PDE1C: variants seen among roughly 807,000 people sequenced by gnomAD.
PDE1C encodes dual specificity calcium/calmodulin-dependent 3',5'-cyclic nucleotide phosphodiesterase 1C.
A neutral mutation model predicts 93.1 loss-of-function variants in PDE1C; 62 were observed. The observed-to-expected ratio is 0.67, with a 90% CI of 0.54 to 0.82. The LOEUF (loss-of-function observed/expected upper bound fraction) is 0.82, where lower values mean the gene tolerates loss of function less well. PDE1C is among the 40% of genes least tolerant of loss of function. The pLI is 0.00. For missense variants in PDE1C, 742 were observed against 884.6 expected, an observed-to-expected ratio of 0.84 and a Z score of 2.04; for synonymous variants, 325 against 310.1, an observed-to-expected ratio of 1.05 and a Z score of -0.50.
At chr7:31,985,124 T>G (rs1452970125) in intron 2 of PDE1C, among the ~76,000 whole-genome samples, 1 of 152,090 alleles carries the variant, frequency 6.6e-6, no homozygotes, top group East Asian at 1.9e-4. Context: ...GTGCATACCA[T>G]GAAAGGTTTA....
At chr7:31,806,574 G>A (rs1185453837) in intron 16 of PDE1C, among the ~76,000 whole-genome samples, 1 of 151,930 alleles carries the variant, frequency 6.6e-6, no homozygotes, top group African/African-American at 2.4e-5. Flanking sequence ...CAGAGATAAT[G>A]TACAGCTGCA....
chr7:32,195,151 A>T (rs1469710600), intron 2 of PDE1C, among the ~76,000 whole-genome samples: 1 of 152,200 alleles, frequency 6.6e-6, no homozygotes. Context: ...CAACCATCAA[A>T]CATAACTTAG....
intron 1 of PDE1C, among the ~76,000 whole-genome samples, chr7:32,217,333 A>C (rs1046792113): frequency 1.3e-5 from 2 of 152,202 alleles, no homozygotes; most frequent in African/African-American, 4.8e-5. Flanking sequence ...ACCAAGGCAA[A>C]GCAGTAGAGT....
chr7:31,913,082 TCACCA>T (rs1801449431), intron 2 of PDE1C, among the ~76,000 whole-genome samples: 1 of 152,180 alleles, frequency 6.6e-6, no homozygotes, highest in Non-Finnish European at 1.5e-5. Flanking sequence ...CTCTGTTGAT[TCACCA>T]TATCAGTCTG....
chr7:31,843,526 C>A (rs2191877), intron 9 of PDE1C, among the ~76,000 whole-genome samples: 125,669 of 151,764 alleles, frequency 0.83, 52,147 homozygotes, highest in East Asian at 0.96. Context: ...CTTATTCTTA[C>A]TGTTTGGTAC....
Position 32,051,603 on chromosome 7 carries a change from A to T in PDE1C, c.102-23T>A, listed in dbSNP as rs2072182. On this transcript the variant is annotated intron_variant, in intron 1 of 17. Transcript: ENST00000396191. ...CTCCTGTAAGAAAAGGCATAAACAT[A>T]TATCAGAAAAGGGTTGTGGCAGGCA... 0.037 allele frequency: 60,260 copies of T among 1,610,684 alleles called. 1,378 individuals carry two copies. The highest frequency in any genetic ancestry group is 0.086 in the East Asian group (3,841 of 44,828).
intron 1 of PDE1C, among the ~76,000 whole-genome samples, chr7:32,231,239 G>T (rs2128862243): frequency 6.6e-6 from 1 of 152,142 alleles, no homozygotes; most frequent in South Asian, 2.1e-4. Flanking sequence ...CTGGTTCAAA[G>T]GATTTGCAAT....
At chr7:31,709,602 G>A in the PDE1C span, among the ~76,000 whole-genome samples, 3 of 152,094 alleles carry the variant, frequency 2.0e-5, no homozygotes, top group East Asian at 3.9e-4. Flanking sequence ...CTGAAAGACC[G>A]GACTTTGTAA....
intron 1 of PDE1C, among the ~76,000 whole-genome samples, chr7:32,408,634 C>A (rs1785105920): frequency 1.3e-5 from 2 of 151,948 alleles, no homozygotes; most frequent in South Asian, 2.1e-4. Flanking sequence ...ACTAAAAATA[C>A]AAAAATTAGC....
intron 13 of PDE1C, among the ~76,000 whole-genome samples, chr7:31,824,216 TAAAG>T (rs1789367383): frequency 6.6e-6 from 1 of 152,164 alleles, no homozygotes; most frequent in Admixed American, 6.6e-5. Flanking sequence ...GTATATCTAA[TAAAG>T]ACTTTATGGT....
rs977454327 is a variant in PDE1C at position 32,004,763 on chromosome 7, T to C, written c.128+46791A>G. Among the ~76,000 whole-genome samples the C allele has an allele frequency of 3.9e-5, 6 of 152,366 alleles. No individual in the cohort carries two copies. In the East Asian group the frequency reaches 1.2e-3, roughly 29 times the overall value. On this transcript the variant is annotated intron_variant, in intron 2 of 17. Coordinates refer to ENST00000396191, the MANE Select transcript of PDE1C (RefSeq NM_001191057.4). ...CTTTGTTAATAAATTGTGCTTTTAT[T>C]TCTTATAATAATTTAAGATGGATTT...
At chr7:31,825,632 G>A (rs1789556142) in intron 12 of PDE1C, among the ~76,000 whole-genome samples, 1 of 152,250 alleles carries the variant, frequency 6.6e-6, no homozygotes, top group South Asian at 2.1e-4. Flanking sequence ...AGATAAGAAG[G>A]AAGAAAGCAG....
chr7:31,946,579 G>A (rs565803155), intron 2 of PDE1C, among the ~76,000 whole-genome samples: 5 of 152,290 alleles, frequency 3.3e-5, no homozygotes, highest in South Asian at 4.1e-4. Context: ...CAAAGGAAAT[G>A]CTAAACCATC....
Position 32,155,715 on chromosome 7 carries a change from C to G in PDE1C, c.308+14070G>C, listed in dbSNP as rs1801527670. On this transcript the variant is annotated intron_variant, in intron 3 of 18. Coordinates refer to the PDE1C transcript ENST00000396193. ...TCACCGCATGCATGCCTCCTGGACTCCTCACAGGTAGCCCCTGAGGGAAAG... is the reference window on the plus strand; with the variant it reads ...TCACCGCATGCATGCCTCCTGGACTGCTCACAGGTAGCCCCTGAGGGAAAG... Among the ~76,000 whole-genome samples the G allele has an allele frequency of 1.3e-5, 2 of 152,208 alleles. 1 individual carries two copies. The highest frequency in any genetic ancestry group is 1.3e-4 in the Admixed American group (2 of 15,286).
At chr7:31,848,885 A>C (rs560657599) in intron 8 of PDE1C, among the ~76,000 whole-genome samples, 15 of 152,270 alleles carry the variant, frequency 9.9e-5, no homozygotes, top group African/African-American at 2.6e-4. Context: ...CATTGGCCAA[A>C]CTTTGGGCTG....
At chr7:32,401,268 G>C (rs542144816) in intron 1 of PDE1C, among the ~76,000 whole-genome samples, 1 of 152,328 alleles carries the variant, frequency 6.6e-6, no homozygotes, top group African/African-American at 2.4e-5. Context: ...GCCGGGTACA[G>C]TGGCTTACAC....
At chr7:31,882,853 G>C (rs923802029) in intron 2 of PDE1C, among the ~76,000 whole-genome samples, 4 of 152,044 alleles carry the variant, frequency 2.6e-5, no homozygotes, top group Non-Finnish European at 5.9e-5. Context: ...ACTTCCCTAG[G>C]AAATAAACAA....
chr7:32,422,432 C>T (rs1276671666), intron 1 of PDE1C, among the ~76,000 whole-genome samples: 1 of 152,112 alleles, frequency 6.6e-6, no homozygotes, highest in Non-Finnish European at 1.5e-5. Flanking sequence ...GAGCCAGTCA[C>T]ACAGGTAGTG....
chr7:32,123,700 A>G (rs1032568139), intron 3 of PDE1C, among the ~76,000 whole-genome samples: 2 of 152,160 alleles, frequency 1.3e-5, no homozygotes, highest in African/African-American at 4.8e-5. Flanking sequence ...TTGATTGAAC[A>G]TATCTCAAAA....
Sources: gnomAD v4.1 joint callset for allele counts (sites outside exome capture counted in the v4.1 genomes callset) on GRCh38, gnomAD v4.1.1 for gene constraint, MANE v1.5 for transcripts, NCBI Gene and HGNC (gene_info 2026-07-23, HGNC 2026-07-21) for gene names.